The following SH3BGR variants were observed in gnomAD, a reference collection of about 807,000 sequenced individuals.
SH3BGR encodes SH3 domain binding glutamate rich protein, also known as SH3 domain-binding glutamic acid-rich protein.
SH3BGR carries 29 observed loss-of-function variants against 24.5 expected under a neutral mutation model. That is an observed-to-expected ratio of 1.18 (90% CI 0.88 to 1.61). The LOEUF (loss-of-function observed/expected upper bound fraction) is 1.61. SH3BGR is among the 40% of genes most tolerant of loss of function. The probability of loss-of-function intolerance (pLI) is 0.00; values close to 1 mark genes in which losing one functional copy is unlikely to be tolerated. For synonymous variants in SH3BGR, 55 were observed against 65.7 expected, an observed-to-expected ratio of 0.84 and a Z score of 0.79; for missense variants, 162 against 205.8, an observed-to-expected ratio of 0.79 and a Z score of 1.30.
chr21:39,446,773 C>A (rs1288550617), intron 1 of SH3BGR, among the ~76,000 whole-genome samples: 1 of 152,238 alleles, frequency 6.6e-6, no homozygotes, highest in East Asian at 1.9e-4. Flanking sequence ...ACTTTTGATG[C>A]TTGAAAACTT....
intron 2 of SH3BGR, among the ~76,000 whole-genome samples, chr21:39,464,717 A>G (rs2077812062): frequency 6.6e-6 from 1 of 152,190 alleles, no homozygotes; most frequent in African/African-American, 2.4e-5. Flanking sequence ...CATGTGGTCC[A>G]GTTCAAATTC....
intron 3 of SH3BGR, among the ~76,000 whole-genome samples, chr21:39,492,547 CCATATTTTGGCAATTGCG>C (rs2078322944): frequency 6.6e-6 from 1 of 150,728 alleles, no homozygotes; most frequent in Non-Finnish European, 1.5e-5. Context: ...TGGGTTGGTT[CCATATTTTGGCAATTGCG>C]CATTGTGCTG....
chr21:39,479,313 ATGG>A (rs374304786), intron 3 of SH3BGR, among the ~76,000 whole-genome samples: 1 of 135,756 alleles, frequency 7.4e-6, no homozygotes, highest in East Asian at 2.1e-4. Context: ...CATGGTGGTG[ATGG>A]TGGTGGTGGA....
At chr21:39,474,032 A>G (rs372761279) in intron 2 of SH3BGR, among the ~76,000 whole-genome samples, 99 of 152,198 alleles carry the variant, frequency 6.5e-4, no homozygotes, top group African/African-American at 2.4e-3. Flanking sequence ...TAGTGGCACA[A>G]TCACAGCTCA....
At chr21:39,509,589 C>T (rs2078641786) in intron 5 of SH3BGR, among the ~76,000 whole-genome samples, 1 of 151,522 alleles carries the variant, frequency 6.6e-6, no homozygotes, top group Non-Finnish European at 1.5e-5. Context: ...ATTCTCCTGC[C>T]TCAGCCTTCT....
chr21:39,498,943 G>T (rs2078443668), intron 3 of SH3BGR, among the ~76,000 whole-genome samples: 1 of 152,190 alleles, frequency 6.6e-6, no homozygotes, highest in South Asian at 2.1e-4. Flanking sequence ...AGCATGGCTG[G>T]GGAAGCCTCA....
chr21:39,497,733 GCCCTTATTTCCAATAAT>G (rs1569170652), intron 3 of SH3BGR, among the ~76,000 whole-genome samples: 24 of 152,186 alleles, frequency 1.6e-4, no homozygotes, highest in African/African-American at 5.5e-4. Flanking sequence ...TAAAAAATAT[GCCCTTATTTCCAATAAT>G]GATAAATGTA....
chr21:39,452,068 T>C lies in SH3BGR; in HGVS notation c.-29T>C. 1 of 1,613,996 alleles carries C rather than the reference T, an allele frequency of 6.2e-7. No individual in the cohort carries two copies. On this transcript the variant is annotated 5_prime_UTR_variant, in exon 1 of 7. Coordinates refer to ENST00000333634, the MANE Select transcript of SH3BGR (RefSeq NM_007341.3). ...GGCGCATTCCCTGACAGGGGTGTGTTGGGGGGAGTCCTCTTTCCAACTGTC... is the reference window on the plus strand; with the variant it reads ...GGCGCATTCCCTGACAGGGGTGTGTCGGGGGGAGTCCTCTTTCCAACTGTC...
chr21:39,498,197 C>G (rs956393498), intron 3 of SH3BGR, among the ~76,000 whole-genome samples: 1 of 152,096 alleles, frequency 6.6e-6, no homozygotes, highest in Non-Finnish European at 1.5e-5. Flanking sequence ...AATCAATTCC[C>G]CCTTAAAATA....
At chr21:39,474,738 G>A (rs1362842234) in intron 2 of SH3BGR, among the ~76,000 whole-genome samples, 1 of 152,162 alleles carries the variant, frequency 6.6e-6, no homozygotes, top group Non-Finnish European at 1.5e-5. Context: ...TTTAATCACA[G>A]TATGGACAGC....
intron 3 of SH3BGR, among the ~76,000 whole-genome samples, chr21:39,489,787 T>G (rs1395625589): frequency 6.6e-6 from 1 of 152,200 alleles, no homozygotes; most frequent in Non-Finnish European, 1.5e-5. Flanking sequence ...GAAGCTTCAG[T>G]CAGGGAGCTC....
chr21:39,493,415 C>T (rs552102008), intron 3 of SH3BGR, among the ~76,000 whole-genome samples: 5 of 152,194 alleles, frequency 3.3e-5, no homozygotes, highest in South Asian at 2.1e-4. Context: ...TGTCAAAGAT[C>T]GTTGGCTGTA....
Position 39,477,304 on chromosome 21 carries a change from A to G in SH3BGR, c.312+2089A>G, listed in dbSNP as rs1311125807. ...CATGCATTTAAAAAAATTTTTGTTC[A>G]TTTATTTATTTTTTAGAGACAGGAT... On this transcript the variant is annotated intron_variant, in intron 3 of 6. Coordinates refer to ENST00000333634, the MANE Select transcript of SH3BGR (RefSeq NM_007341.3). 2.0e-5 allele frequency among the ~76,000 whole-genome samples: 3 copies of G among 151,936 alleles called. No individual in the cohort carries two copies. In the East Asian group the frequency reaches 5.8e-4, roughly 29 times the overall value.
chr21:39,492,854 T>C (rs1339017556), intron 3 of SH3BGR, among the ~76,000 whole-genome samples: 2 of 152,038 alleles, frequency 1.3e-5, no homozygotes, highest in Non-Finnish European at 2.9e-5. Context: ...AGTTTTGGTT[T>C]GCATTTCCCT....
rs116386903 is a variant in SH3BGR at position 39,498,708 on chromosome 21, G to A, written c.313-1115G>A. Among the ~76,000 whole-genome samples the A allele has an allele frequency of 2.2e-3, 331 of 152,174 alleles. 2 individuals carry two copies. Among genetic ancestry groups the A allele is most frequent in the African/African-American group, 7.8e-3 (324 of 41,508 alleles). ...GTAAACACTGGTGTCTCGAGCCATC[G>A]TCCCCATGCCCGTTTCCTCAAAATG... On this transcript the variant is annotated intron_variant, in intron 3 of 6. Coordinates refer to ENST00000333634, the MANE Select transcript of SH3BGR (RefSeq NM_007341.3).
At chr21:39,490,653 G>T (rs8128567) in intron 3 of SH3BGR, among the ~76,000 whole-genome samples, 84,515 of 151,644 alleles carry the variant, frequency 0.56, 23,921 homozygotes, top group East Asian at 0.68. Flanking sequence ...GCCTGGGATA[G>T]TTTTTCCATC....
chr21:39,498,397 A>G (rs970441582), intron 3 of SH3BGR, among the ~76,000 whole-genome samples: 4 of 152,186 alleles, frequency 2.6e-5, no homozygotes, highest in Non-Finnish European at 5.9e-5. Context: ...AGCATCAGGG[A>G]GGAGGTGTAG....
intron 2 of SH3BGR, among the ~76,000 whole-genome samples, chr21:39,468,502 G>A (rs1281847454): frequency 6.6e-6 from 1 of 151,386 alleles, no homozygotes; most frequent in Non-Finnish European, 1.5e-5. Flanking sequence ...GCAGTGGCAC[G>A]ATCATGGCTC....
chr21:39,460,916 A>T (rs1042670280), intron 1 of SH3BGR, among the ~76,000 whole-genome samples: 1 of 152,116 alleles, frequency 6.6e-6, no homozygotes, highest in Middle Eastern at 3.4e-3. Flanking sequence ...GCCTTCCAAA[A>T]TGCTGGGATT....
Sources: allele counts gnomAD v4.1 joint callset (sites outside exome capture counted in the v4.1 genomes callset), GRCh38; gene constraint gnomAD v4.1.1; transcripts MANE v1.5; gene names NCBI Gene and HGNC (gene_info 2026-07-23, HGNC 2026-07-21).